Variants in FGF14 observed in about 807,000 individuals in gnomAD.
FGF14 encodes the protein fibroblast growth factor 14.
In FGF14, 5 loss-of-function variants were observed where a neutral mutation model predicts 25.5. The observed-to-expected ratio is 0.20, with a 90% CI of 0.10 to 0.41. The LOEUF (loss-of-function observed/expected upper bound fraction) is 0.41. FGF14 is among the 10% of genes least tolerant of loss of function. The pLI is 1.00. For missense variants in FGF14, 222 were observed against 320.1 expected (o/e 0.69, Z 2.34); for synonymous variants, 138 against 118.3 (o/e 1.17, Z -1.08).
chr13:101,983,347 T>C (rs1045496654), intron 1 of FGF14, among the ~76,000 whole-genome samples: 1 of 150,798 alleles, frequency 6.6e-6, no homozygotes, highest in Non-Finnish European at 1.5e-5. Flanking sequence ...CTTTGTGACA[T>C]ATTCTATTCG....
chr13:101,722,584 A>C lies in FGF14; in HGVS notation c.*247T>G. The C allele has an allele frequency of 1.8e-6, 1 of 544,422 alleles. No individual in the cohort carries two copies. The highest frequency in any genetic ancestry group is 2.0e-5 in the South Asian group (1 of 49,618). The allele number at this position is 544,422 out of a possible 1,614,324, so 33.7% of individuals were successfully genotyped here. A position where few individuals can be genotyped will look rare whatever the true frequency, so the allele number is the denominator to read the frequency against. The stretch of plus-strand genomic sequence containing the variant: ...TCACAGTCACAGAAAAGATATTAAA[A>C]AGGCATTCCATATCTGGTAGGGCAT... On this transcript the variant is annotated 3_prime_UTR_variant, in exon 5 of 5. Transcript: ENST00000376143.
At chr13:102,236,902 G>A (rs1594528215) in intron 1 of FGF14, among the ~76,000 whole-genome samples, 1 of 152,148 alleles carries the variant, frequency 6.6e-6, no homozygotes, top group African/African-American at 2.4e-5. Flanking sequence ...AGAGTGCTGA[G>A]CTCTCAGAGG....
At chr13:102,382,902 C>T (rs1296194703) in intron 1 of FGF14, among the ~76,000 whole-genome samples, 2 of 151,952 alleles carry the variant, frequency 1.3e-5, no homozygotes, top group African/African-American at 4.8e-5. Flanking sequence ...TAAGCAAATT[C>T]ATAAGACATA....
At chr13:101,936,267 CAAG>C (rs2035097277) in intron 1 of FGF14, among the ~76,000 whole-genome samples, 1 of 152,116 alleles carries the variant, frequency 6.6e-6, no homozygotes, top group Non-Finnish European at 1.5e-5. Context: ...CTTACGTGGT[CAAG>C]AAGTGAAAAG....
intron 1 of FGF14, among the ~76,000 whole-genome samples, chr13:101,897,680 G>A (rs1431563317): frequency 6.6e-6 from 1 of 152,056 alleles, no homozygotes; most frequent in Non-Finnish European, 1.5e-5. Context: ...CTACAACTTT[G>A]TTGCTGCCAG....
intron 1 of FGF14, among the ~76,000 whole-genome samples, chr13:102,267,785 T>C (rs6491677): frequency 0.79 from 119,350 of 152,022 alleles, 47,623 homozygotes; most frequent in African/African-American, 0.93. Flanking sequence ...TACTAAAATT[T>C]GGGGGTAAAA....
intron 1 of FGF14, among the ~76,000 whole-genome samples, chr13:102,237,111 C>T (rs759591623): frequency 7.9e-5 from 12 of 152,186 alleles, no homozygotes; most frequent in Admixed American, 4.6e-4. Context: ...CTCCCATCTT[C>T]TCTGTTGTTT....
At chr13:101,919,903 G>T (rs9585812), upstream of FGF14, among the ~76,000 whole-genome samples, 1 of 152,216 alleles carries the variant, frequency 6.6e-6, no homozygotes, top group East Asian at 1.9e-4. Flanking sequence ...AGCGGACTCC[G>T]GAGTCTCCGG....
Position 101,714,411 on chromosome 13 carries a change from G to A in FGF14, c.*8420C>T, listed in dbSNP as rs1346204160. On this transcript the variant is annotated 3_prime_UTR_variant, in exon 5 of 5. Coordinates refer to ENST00000376143, the MANE Select transcript of FGF14 (RefSeq NM_004115.4). ...TGGAAACCTTTAGTTATAAGGTGAT[G>A]GTGAGTAATAGCCTTTGTAATTTCA... 1 of 1,256,934 alleles carries A rather than the reference G, an allele frequency of 8.0e-7. No individual in the cohort carries two copies. Among genetic ancestry groups the A allele is most frequent in the East Asian group, 2.3e-5 (1 of 43,010 alleles). 77.9% of individuals were successfully genotyped at this position (1,256,934 alleles called of 1,614,324 possible).
chr13:102,223,343 T>G (rs1039715810), intron 1 of FGF14, among the ~76,000 whole-genome samples: 2 of 152,178 alleles, frequency 1.3e-5, no homozygotes, highest in Admixed American at 6.5e-5. Context: ...AAAACTGTCC[T>G]GGCTACTGGA....
At chr13:101,801,782 G>T in intron 3 of FGF14, 1 of 164,214 alleles carries the variant, frequency 6.1e-6, no homozygotes, top group East Asian at 1.7e-4. Flanking sequence ...TGGTAGAGAG[G>T]GGCCTCTCAG....
At chr13:102,231,483 A>C (rs150309478) in intron 1 of FGF14, among the ~76,000 whole-genome samples, 1 of 152,216 alleles carries the variant, frequency 6.6e-6, no homozygotes, top group Admixed American at 6.5e-5. Flanking sequence ...TCTGTGGGGT[A>C]AAACAGCTTC....
intron 1 of FGF14, among the ~76,000 whole-genome samples, chr13:102,299,060 G>A (rs2054884921): frequency 6.6e-6 from 1 of 152,100 alleles, no homozygotes; most frequent in Non-Finnish European, 1.5e-5. Context: ...CTTTCTCAAT[G>A]ATGGTGATAA....
intron 1 of FGF14, among the ~76,000 whole-genome samples, chr13:101,879,932 A>G (rs1286139246): frequency 6.6e-6 from 1 of 152,200 alleles, no homozygotes; most frequent in East Asian, 1.9e-4. Flanking sequence ...AACTGTGTCC[A>G]GGAACTTTTC....
chr13:101,739,466 T>C (rs1207568762), intron 3 of FGF14, among the ~76,000 whole-genome samples: 1 of 152,168 alleles, frequency 6.6e-6, no homozygotes, highest in Non-Finnish European at 1.5e-5. Context: ...TGAGATCACA[T>C]AGATAAATCT....
At chr13:101,812,635 ATATATATATATATATATATTTTTTTTT>A (rs1169951360) in intron 3 of FGF14, among the ~76,000 whole-genome samples, 5 of 11,018 alleles carry the variant, frequency 4.5e-4, no homozygotes, top group African/African-American at 1.3e-3. Flanking sequence ...ATATATATAT[ATATATATATATATATATATTTTTTTTT>A]TTTTTTTTTT....
intron 1 of FGF14, among the ~76,000 whole-genome samples, chr13:102,070,837 T>C (rs2043124042): frequency 6.6e-6 from 1 of 152,184 alleles, no homozygotes; most frequent in African/African-American, 2.4e-5. Flanking sequence ...AGACCTATTT[T>C]CATATCCTAT....
chr13:101,927,443 T>C (rs2034442697), intron 1 of FGF14, among the ~76,000 whole-genome samples: 1 of 152,198 alleles, frequency 6.6e-6, no homozygotes, highest in African/African-American at 2.4e-5. Flanking sequence ...TGAAATGGGC[T>C]TCGTGATCCT....
rs71125026 is a variant in FGF14 at position 101,831,240 on chromosome 13, CTATTTATTTATTTATTTATT to C, written c.408+37465_408+37484del. Among the ~76,000 whole-genome samples the C allele has an allele frequency of 1.9e-3, 274 of 147,466 alleles. 1 individual carries two copies. The highest frequency in any genetic ancestry group is 0.012 in the South Asian group (54 of 4,498). The stretch of plus-strand genomic sequence containing the variant: ...TAATAAGTATTACATATGTTAGTTA[CTATTTATTTATTTATTTATT>C]TATTTATTTATTTATTTATTTACGT... On this transcript the variant is annotated intron_variant, in intron 3 of 4. Coordinates refer to ENST00000376143, the MANE Select transcript of FGF14 (RefSeq NM_004115.4).
Sources: gnomAD v4.1 joint callset for allele counts (sites outside exome capture counted in the v4.1 genomes callset) on GRCh38, gnomAD v4.1.1 for gene constraint, MANE v1.5 for transcripts, NCBI Gene and HGNC (gene_info 2026-07-23, HGNC 2026-07-21) for gene names.